TMEM192: variants seen among roughly 807,000 people sequenced by gnomAD.
The protein encoded by TMEM192 is transmembrane protein 192.
Under a neutral mutation model 26.7 loss-of-function variants are expected in TMEM192, and 20 were observed. The ratio of observed to expected loss-of-function variants is 0.75; its 90% CI spans 0.53 to 1.09. The LOEUF (loss-of-function observed/expected upper bound fraction) is 1.09, where lower values mean the gene tolerates loss of function less well. Ranked by LOEUF, TMEM192 falls within the 50% of genes least tolerant of loss-of-function variation. TMEM192 has a pLI of 0.00. For missense variants in TMEM192, 304 were observed against 322.6 expected (o/e 0.94, Z 0.44); for synonymous variants, 124 against 121.0 (o/e 1.02, Z -0.16).
rs766299227 is a variant in TMEM192 at position 165,085,637 on chromosome 4, T to C, written c.626A>G (p.Glu209Gly). The change falls in exon 5 of 6, where the codon GAA (glutamate) becomes GGA (glycine). Residue 209 changes from glutamate to glycine, a missense_variant. Glu to Gly is a moderately conservative substitution (Grantham distance 98). Coordinates refer to ENST00000306480, the MANE Select transcript of TMEM192 (RefSeq NM_001100389.2). Reference protein sequence around the residue: ...KAKPEPDILEEEKIYAYPSNI... With the variant: ...KAKPEPDILEGEKIYAYPSNI... ...GCTGGGGTAAGCATAGATTTTTTCTTCTTCAAGTATATCAGGCTCTGGTTT... is the reference window on the plus strand; with the variant it reads ...GCTGGGGTAAGCATAGATTTTTTCTCCTTCAAGTATATCAGGCTCTGGTTT... 6.2e-7 allele frequency: 1 copy of C among 1,613,050 alleles called. No homozygotes were observed. Among genetic ancestry groups the C allele is most frequent in the Non-Finnish European group, 8.5e-7 (1 of 1,179,678 alleles).
rs1734543176 is a variant in TMEM192, at chr4:165,083,456, G to A, written c.677+2130C>T. Among the ~76,000 whole-genome samples the A allele has an allele frequency of 4.9e-5, 2 of 40,446 alleles. 1 individual carries two copies. The highest frequency in any genetic ancestry group is 8.9e-5 in the African/African-American group (2 of 22,564). 26.5% of individuals were successfully genotyped at this position (40,446 alleles called of 152,430 possible). ...CAGGCTTCAAGAAACCGAGGGTAAAGGATTCTAGAACTATCAAGATATCAT... is the reference window on the plus strand; with the variant it reads ...CAGGCTTCAAGAAACCGAGGGTAAAAGATTCTAGAACTATCAAGATATCAT... On this transcript the variant is annotated intron_variant, in intron 5 of 5. Transcript: ENST00000306480.
At chr4:165,097,493 CAAA>C (rs60822491) in intron 3 of TMEM192, among the ~76,000 whole-genome samples, 2 of 58,998 alleles carry the variant, frequency 3.4e-5, no homozygotes, top group Non-Finnish European at 6.7e-5. Flanking sequence ...GACTCCATCT[CAAA>C]AAAAAAAAAA....
In TMEM192 at chr4:165,100,684, A is replaced by G; in HGVS notation, c.383T>C (p.Leu128Ser). The G allele has an allele frequency of 5.6e-6, 9 of 1,614,172 alleles. No individual in the cohort carries two copies. Among genetic ancestry groups the G allele is most frequent in the Non-Finnish European group, 7.6e-6 (9 of 1,180,028 alleles). ...GAGATGCCTTGTTGATCGGTAGATC[A>G]AGTTATAGCCTCGGTTTCTGATTTT... ...HSKIRNRGYN[L>S]IYRSTRHLKR... The change falls in exon 3 of 6, where the codon TTG (leucine) becomes TCG (serine). Residue 128 changes from leucine (L) to serine (S), a missense_variant. Physicochemically the swap from Leu to Ser is moderately radical, Grantham distance 145 (BLOSUM62 -2). Coordinates refer to ENST00000306480, the MANE Select transcript of TMEM192 (RefSeq NM_001100389.2).
Position 165,079,477 on chromosome 4 carries a change from G to A in TMEM192, c.*181C>T, listed in dbSNP as rs1734468876. 2 of 546,292 alleles carry A rather than the reference G, an allele frequency of 3.7e-6. No individual in the cohort carries two copies. Among genetic ancestry groups the A allele is most frequent in the East Asian group, 3.3e-5 (1 of 30,606 alleles). The allele number at this position is 546,292 out of a possible 1,614,324, so 33.8% of individuals were successfully genotyped here. ...CCGGGCTTCTACAGGTACTTTTCAA[G>A]TGACCCACAAGCCCTATATTTTAAA... is the stretch of plus-strand genomic sequence containing the variant. On this transcript the variant is annotated 3_prime_UTR_variant, in exon 6 of 6. Transcript: ENST00000306480.
Position 165,083,452 on chromosome 4 carries a change from T to G in TMEM192, c.677+2134A>C, listed in dbSNP as rs1373057013. ...AATCCAGGCTTCAAGAAACCGAGGGTAAAGGATTCTAGAACTATCAAGATA... is the reference window on the plus strand; with the variant it reads ...AATCCAGGCTTCAAGAAACCGAGGGGAAAGGATTCTAGAACTATCAAGATA... On this transcript the variant is annotated intron_variant, in intron 5 of 5. Coordinates refer to ENST00000306480, the MANE Select transcript of TMEM192 (RefSeq NM_001100389.2). Among the ~76,000 whole-genome samples the G allele has an allele frequency of 9.9e-5, 4 of 40,332 alleles. 2 individuals carry two copies. The highest frequency in any genetic ancestry group is 3.8e-4 in the Non-Finnish European group (4 of 10,614). 26.5% of individuals were successfully genotyped at this position (40,332 alleles called of 152,430 possible).
At chr4:165,102,609 T>G (rs967158726) in intron 2 of TMEM192, among the ~76,000 whole-genome samples, 2 of 152,150 alleles carry the variant, frequency 1.3e-5, no homozygotes. Flanking sequence ...TCTTAACAGT[T>G]GCATAGCATT....
chr4:165,112,422 T>G (rs975450480), intron 1 of TMEM192, among the ~76,000 whole-genome samples: 18 of 152,172 alleles, frequency 1.2e-4, no homozygotes, highest in Non-Finnish European at 2.5e-4. Context: ...CACGTGAAGC[T>G]GCCAGTTCCG....
chr4:165,090,871 T>C (rs1305158335), intron 3 of TMEM192, among the ~76,000 whole-genome samples: 1 of 120,674 alleles, frequency 8.3e-6, no homozygotes, highest in Admixed American at 1.2e-4. Context: ...GCCACTGCAC[T>C]CCAGACTCCA....
chr4:165,101,272 G>A (rs535021431), intron 2 of TMEM192, among the ~76,000 whole-genome samples: 25 of 151,754 alleles, frequency 1.6e-4, no homozygotes, highest in Middle Eastern at 3.4e-3. Flanking sequence ...CACCGCACCC[G>A]GCTTCCCAGC....
At chr4:165,098,022 T>C (rs1445773828) in intron 3 of TMEM192, among the ~76,000 whole-genome samples, 2 of 151,944 alleles carry the variant, frequency 1.3e-5, no homozygotes, top group African/African-American at 2.4e-5. Flanking sequence ...GGTTTCATCA[T>C]GTTGACCAGG....
In TMEM192 at chr4:165,078,404, G is replaced by A. The variant is rs1240577440; in HGVS notation, c.*1254C>T. 1 of 152,132 alleles carries A rather than the reference G, an allele frequency of 6.6e-6. No homozygotes were observed. Among genetic ancestry groups the A allele is most frequent in the Non-Finnish European group, 1.5e-5 (1 of 68,016 alleles). 9.4% of individuals were successfully genotyped at this position (152,132 alleles called of 1,614,324 possible). On this transcript the variant is annotated 3_prime_UTR_variant, in exon 6 of 6. Coordinates refer to ENST00000306480, the MANE Select transcript of TMEM192 (RefSeq NM_001100389.2). ...GAAAAATGGAGAAATAATGCCATTTGCTCTGAAAAATACTTCAGTTTTATC... is the reference window on the plus strand; with the variant it reads ...GAAAAATGGAGAAATAATGCCATTTACTCTGAAAAATACTTCAGTTTTATC...
chr4:165,107,634 A>G (rs1735195149), intron 1 of TMEM192, among the ~76,000 whole-genome samples: 1 of 152,098 alleles, frequency 6.6e-6, no homozygotes, highest in Non-Finnish European at 1.5e-5. Context: ...ATAAGCCACC[A>G]CGCCTGGCCA....
chr4:165,110,912 A>C (rs763712246), intron 1 of TMEM192, among the ~76,000 whole-genome samples: 3 of 152,210 alleles, frequency 2.0e-5, no homozygotes, highest in Non-Finnish European at 2.9e-5. Flanking sequence ...ATCCCTACTA[A>C]CACAAAGTCT....
rs763865584 is a variant in TMEM192, at chr4:165,100,612, A to G, written c.439+16T>C. On this transcript the variant is annotated intron_variant, in intron 3 of 5. Coordinates refer to ENST00000306480, the MANE Select transcript of TMEM192 (RefSeq NM_001100389.2). ...TCCCTCAAGCACCCAAGTAGCTGAG[A>G]GAAAATTGGACATACCAGAGGACTG... 3 of 1,603,040 alleles carry G rather than the reference A, an allele frequency of 1.9e-6. No homozygotes were observed. The highest frequency in any genetic ancestry group is 1.1e-5 in the South Asian group (1 of 89,092).
intron 3 of TMEM192, among the ~76,000 whole-genome samples, chr4:165,092,094 T>C (rs1465512130): frequency 6.6e-6 from 1 of 151,300 alleles, no homozygotes; most frequent in Non-Finnish European, 1.5e-5. Context: ...CACAATGCTG[T>C]TCTTTCTTAA....
chr4:165,088,872 CTATAAAAAAA>C (rs1003277380), intron 3 of TMEM192, among the ~76,000 whole-genome samples: 16 of 151,398 alleles, frequency 1.1e-4, no homozygotes, highest in Non-Finnish European at 2.2e-4. Flanking sequence ...GACCCCATCT[CTATAAAAAAA>C]TATAAAAAAT....
intron 3 of TMEM192, among the ~76,000 whole-genome samples, chr4:165,092,310 C>G (rs753320806): frequency 2.0e-5 from 3 of 151,892 alleles, no homozygotes; most frequent in Non-Finnish European, 2.9e-5. Context: ...TCAGTAGAAA[C>G]GGGGTTTCAC....
At chr4:165,092,513 AC>A (rs1734792122) in intron 3 of TMEM192, among the ~76,000 whole-genome samples, 1 of 151,900 alleles carries the variant, frequency 6.6e-6, no homozygotes, top group African/African-American at 2.4e-5. Flanking sequence ...ACCTGTTTGC[AC>A]CCCCTACCAC....
rs1265436629 is a variant in TMEM192 at position 165,075,578 on chromosome 4, T to C, written c.*4080A>G. 6.6e-6 allele frequency: 1 copy of C among 150,972 alleles called. No homozygotes were observed. The highest frequency in any genetic ancestry group is 2.4e-5 in the African/African-American group (1 of 41,152). 9.4% of individuals were successfully genotyped at this position (150,972 alleles called of 1,614,324 possible). On this transcript the variant is annotated 3_prime_UTR_variant, in exon 6 of 6. Coordinates refer to ENST00000306480, the MANE Select transcript of TMEM192 (RefSeq NM_001100389.2). ...CGAAATACAAAATTTTTAGTATTTT[T>C]TTTTTTTTTTGAGATGGAGCCTGCT...
Sources: gnomAD v4.1 joint callset for allele counts (sites outside exome capture counted in the v4.1 genomes callset) on GRCh38, gnomAD v4.1.1 for gene constraint, MANE v1.5 for transcripts, NCBI Gene and HGNC (gene_info 2026-07-23, HGNC 2026-07-21) for gene names.